Variants in UBP1 observed in about 807,000 individuals in gnomAD.
UBP1 encodes upstream binding protein 1.
Under a neutral mutation model 76.1 loss-of-function variants are expected in UBP1, and 22 were observed. The ratio of observed to expected loss-of-function variants is 0.29; its 90% CI spans 0.21 to 0.41. The LOEUF (loss-of-function observed/expected upper bound fraction) is 0.41, where lower values mean the gene tolerates loss of function less well. UBP1 is among the 10% of genes least tolerant of loss of function. UBP1 has a pLI of 1.00. For missense variants in UBP1, 436 were observed against 668.1 expected (o/e 0.65, Z 3.83); for synonymous variants, 224 against 237.1 (o/e 0.94, Z 0.51).
chr3:33,395,433 G>A (rs938066740), intron 13 of UBP1, among the ~76,000 whole-genome samples: 18 of 151,990 alleles, frequency 1.2e-4, no homozygotes, highest in African/African-American at 4.3e-4. Flanking sequence ...GAAAATATAT[G>A]CCTTTTAAAA....
intron 8 of UBP1, among the ~76,000 whole-genome samples, chr3:33,404,717 T>C (rs1482223415): frequency 6.6e-6 from 1 of 152,162 alleles, no homozygotes; most frequent in African/African-American, 2.4e-5. Context: ...GATTTTCAAT[T>C]ATTTGCTATC....
chr3:33,399,080 AGTGT>A (rs1463522689), intron 11 of UBP1, among the ~76,000 whole-genome samples: 1 of 152,208 alleles, frequency 6.6e-6, no homozygotes, highest in African/African-American at 2.4e-5. Flanking sequence ...CTTCAGGCTG[AGTGT>A]GTGCACACAC....
At chr3:33,417,687 A>G (rs1464318187) in intron 2 of UBP1, among the ~76,000 whole-genome samples, 3 of 152,234 alleles carry the variant, frequency 2.0e-5, no homozygotes, top group Non-Finnish European at 4.4e-5. Context: ...TCCACAAAAA[A>G]TGATTTCTGG....
intron 13 of UBP1, among the ~76,000 whole-genome samples, chr3:33,394,178 T>C (rs899988407): frequency 3.8e-4 from 56 of 146,450 alleles, no homozygotes; most frequent in African/African-American, 1.1e-3. Flanking sequence ...CACGCCACCA[T>C]GCCTGGCTAA....
In UBP1 at chr3:33,434,303, T is replaced by TTC. The variant is rs1432392787; in HGVS notation, c.113+5432_113+5433insGA. 3.1e-3 allele frequency among the ~76,000 whole-genome samples: 448 copies of TTC among 142,760 alleles called. 4 individuals carry two copies. The highest frequency in any genetic ancestry group is 0.01 in the African/African-American group (396 of 38,910). 93.7% of individuals were successfully genotyped at this position (142,760 alleles called of 152,430 possible). A position where few individuals can be genotyped will look rare whatever the true frequency, so the allele number is the denominator to read the frequency against. On this transcript the variant is annotated intron_variant, in intron 1 of 15. Transcript: ENST00000283629. Reference sequence around the variant, plus strand: ...GTCAGCAAATCCTTTTTTTTTTTTTTTTTTTTTTTTTTGAGAAAGAGTCTT... The same window carrying TTC: ...GTCAGCAAATCCTTTTTTTTTTTTTTTCTTTTTTTTTTTTGAGAAAGAGTCTT...
At chr3:33,433,445 G>C (rs1257191794) in intron 1 of UBP1, among the ~76,000 whole-genome samples, 2 of 149,728 alleles carry the variant, frequency 1.3e-5, no homozygotes, top group Non-Finnish European at 3.0e-5. Context: ...ACGAAGTCAG[G>C]AGCTCGAGAC....
At chr3:33,439,317 A>G (rs577027216) in intron 1 of UBP1, among the ~76,000 whole-genome samples, 1 of 152,378 alleles carries the variant, frequency 6.6e-6, no homozygotes, top group Non-Finnish European at 1.5e-5. Context: ...ATGTAGGACA[A>G]CAAAGTAGGA....
chr3:33,402,059 C>T (rs971218863), intron 9 of UBP1, among the ~76,000 whole-genome samples: 1 of 152,164 alleles, frequency 6.6e-6, no homozygotes, highest in Non-Finnish European at 1.5e-5. Flanking sequence ...TCAGCATGAC[C>T]GGAGAACCTT....
At position 33,440,229 on chromosome 3, in the gene UBP1, G is replaced by A. The variant is rs1487080561; in HGVS notation, c.-381C>T. On this transcript the variant is annotated 5_prime_UTR_variant, in exon 1 of 16. Coordinates refer to ENST00000283629, the MANE Select transcript of UBP1 (RefSeq NM_014517.5). Reference sequence around the variant, plus strand: ...GAGGCTGGACCTCGGGCCGCTCCGAGGACCACACGGGGGCAAGCCCTCCGC... The same window carrying A: ...GAGGCTGGACCTCGGGCCGCTCCGAAGACCACACGGGGGCAAGCCCTCCGC... The A allele has an allele frequency of 6.4e-6, 1 of 155,762 alleles. No individual in the cohort carries two copies. Among genetic ancestry groups the A allele is most frequent in the East Asian group, 1.9e-4 (1 of 5,276 alleles). The allele number at this position is 155,762 out of a possible 1,614,324, so 9.6% of individuals were successfully genotyped here. A position where few individuals can be genotyped will look rare whatever the true frequency, so the allele number is the denominator to read the frequency against.
chr3:33,390,587 C>T (rs2043720691), intron 15 of UBP1: 1 of 588,336 alleles, frequency 1.7e-6, no homozygotes, highest in Non-Finnish European at 3.0e-6. Flanking sequence ...GCCTGGCCCA[C>T]TATCAACGCC....
chr3:33,421,826 A>G (rs1575484883), intron 2 of UBP1, among the ~76,000 whole-genome samples: 1 of 152,042 alleles, frequency 6.6e-6, no homozygotes, highest in Admixed American at 6.6e-5. Flanking sequence ...AGGTGGGTGG[A>G]TCACTTGAAG....
rs1047450456 is a variant in UBP1 at position 33,390,180 on chromosome 3, C to T, written c.*151G>A. On this transcript the variant is annotated 3_prime_UTR_variant, in exon 16 of 16. Transcript: ENST00000283629. ...GCAGTGACAGTGAGGAGATTCACCTCTCATACAGCTCATTAGAAAGGTCAT... is the reference window on the plus strand; with the variant it reads ...GCAGTGACAGTGAGGAGATTCACCTTTCATACAGCTCATTAGAAAGGTCAT... 3.0e-5 allele frequency: 22 copies of T among 734,780 alleles called. No individual in the cohort carries two copies. The highest frequency in any genetic ancestry group is 8.0e-5 in the Admixed American group (3 of 37,714). The allele number at this position is 734,780 out of a possible 1,614,324, so 45.5% of individuals were successfully genotyped here. A position where few individuals can be genotyped will look rare whatever the true frequency, so the allele number is the denominator to read the frequency against.
chr3:33,392,887 C>T (rs1038901033), intron 14 of UBP1: 15 of 379,960 alleles, frequency 3.9e-5, no homozygotes, highest in Admixed American at 8.9e-5. Flanking sequence ...GATGATGACT[C>T]GAACAAAAAT....
chr3:33,429,265 G>C (rs1176403936), intron 1 of UBP1, among the ~76,000 whole-genome samples: 1 of 152,088 alleles, frequency 6.6e-6, no homozygotes, highest in African/African-American at 2.4e-5. Flanking sequence ...CTAAAACCTT[G>C]ATGGTTTTTG....
intron 1 of UBP1, 43 bp downstream of exon 1, chr3:33,439,693 C>T: frequency 6.2e-7 from 1 of 1,600,714 alleles, no homozygotes; most frequent in Non-Finnish European, 8.5e-7. Flanking sequence ...GCAGGCCTTC[C>T]CCAAGGAGAC....
At chr3:33,420,017 T>G (rs1258330972) in intron 2 of UBP1, among the ~76,000 whole-genome samples, 3 of 152,198 alleles carry the variant, frequency 2.0e-5, no homozygotes, top group Non-Finnish European at 2.9e-5. Context: ...ATATAACTGT[T>G]GTGATTCATG....
At chr3:33,430,336 G>A (rs1575490868) in intron 1 of UBP1, among the ~76,000 whole-genome samples, 1 of 152,160 alleles carries the variant, frequency 6.6e-6, no homozygotes, top group South Asian at 2.1e-4. Flanking sequence ...AGATGCTCAG[G>A]GTAAGGGTGA....
At chr3:33,404,482 G>A (rs2044361361) in intron 8 of UBP1, among the ~76,000 whole-genome samples, 1 of 133,646 alleles carries the variant, frequency 7.5e-6, no homozygotes, top group African/African-American at 2.7e-5. Context: ...AAGATAATAG[G>A]ATTAAAAAAA....
intron 15 of UBP1, chr3:33,391,588 C>T (rs2043766597): frequency 6.6e-6 from 1 of 152,182 alleles, no homozygotes; most frequent in Admixed American, 6.5e-5. Flanking sequence ...TTGATTTACC[C>T]CAACCATACT....
Sources: allele counts gnomAD v4.1 joint callset (sites outside exome capture counted in the v4.1 genomes callset), GRCh38; gene constraint gnomAD v4.1.1; transcripts MANE v1.5; gene names NCBI Gene and HGNC (gene_info 2026-07-23, HGNC 2026-07-21).